The following SMARCA4 variants were observed in gnomAD, a reference collection of about 807,000 sequenced individuals.
SMARCA4 encodes SWI/SNF related BAF chromatin remodeling complex subunit ATPase 4, also known as SWI/SNF-related matrix-associated actin-dependent regulator of chromatin subfamily A member 4.
SMARCA4 carries 31 observed loss-of-function variants against 193.9 expected under a neutral mutation model. The observed-to-expected ratio is 0.16, with a 90% CI of 0.12 to 0.22. The LOEUF (loss-of-function observed/expected upper bound fraction) is 0.22, where lower values mean the gene tolerates loss of function less well. SMARCA4 is among the 10% of genes least tolerant of loss of function. The pLI is 1.00. For synonymous variants in SMARCA4, 942 were observed against 933.1 expected (o/e 1.01, Z -0.17); for missense variants, 1,148 against 2,296.0 (o/e 0.50, Z 10.22).
intron 11 of SMARCA4, 79 bp downstream of exon 11, chr19:10,996,623 T>C (rs2145985746): frequency 7.4e-7 from 1 of 1,345,202 alleles, no homozygotes; most frequent in Non-Finnish European, 1.1e-6. Flanking sequence ...AAACCTGTGT[T>C]CTTTTAAAAT....
Position 11,041,211 on chromosome 19 carries a change from C to T in SMARCA4, c.4171-96C>T, listed in dbSNP as rs2146807432. ...AAGGGAGAGCGGGTGCGGGGGCCCTCCTCCGTGTCCCAGCCCGGCCCCTGG... is the reference window on the plus strand; with the variant it reads ...AAGGGAGAGCGGGTGCGGGGGCCCTTCTCCGTGTCCCAGCCCGGCCCCTGG... On this transcript the variant is annotated intron_variant, in intron 29 of 34. Transcript: ENST00000344626. The surrounding 1 kb of genome is among the most constrained non-coding windows in gnomAD (Gnocchi z 5.6). 7.3e-7 allele frequency: 1 copy of T among 1,369,012 alleles called. No homozygotes were observed. Among genetic ancestry groups the T allele is most frequent in the Non-Finnish European group, 1.0e-6 (1 of 1,001,962 alleles). 84.8% of individuals were successfully genotyped at this position (1,369,012 alleles called of 1,614,324 possible).
At chr19:11,060,976 C>G (rs1003158986) in intron 34 of SMARCA4, among the ~76,000 whole-genome samples, 1 of 152,054 alleles carries the variant, frequency 6.6e-6, no homozygotes, top group Non-Finnish European at 1.5e-5. Flanking sequence ...GATGCTGTCT[C>G]TCTTGCCTAA....
intron 30 of SMARCA4, among the ~76,000 whole-genome samples, chr19:11,051,809 C>T (rs2076278364): frequency 6.6e-6 from 1 of 151,740 alleles, no homozygotes; most frequent in Admixed American, 6.6e-5. Context: ...ATTAAAATAG[C>T]AGATGAGGCC....
Position 11,033,394 on chromosome 19 carries a change from A to G in SMARCA4, c.3651A>G (p.Ala1217=), listed in dbSNP as rs761985067. The G allele has an allele frequency of 1.2e-6, 2 of 1,613,494 alleles. No individual in the cohort carries two copies. The highest frequency in any genetic ancestry group is 2.2e-5 in the South Asian group (2 of 91,086). ...GCGTGGAGGAGAAGATCCTAGCTGC[A>G]GCCAAGTACAAGCTCAACGTGGACC... ...VNSVEEKILA[A]AKYKLNVDQK... Residue 1217 remains alanine, a synonymous_variant, in exon 26 of 35, where the codon GCA becomes GCG. Transcript: ENST00000344626. This position sits in a 1 kb window ranked among gnomAD's most constrained non-coding sequence, Gnocchi z 9.8.
Position 11,060,105 on chromosome 19 carries a change from A to C in SMARCA4, c.4829A>C (p.Lys1610Thr), listed in dbSNP as rs1555796263. The C allele has an allele frequency of 5.2e-6, 8 of 1,551,728 alleles. No homozygotes were observed. In the East Asian group the frequency reaches 2.0e-4, roughly 38 times the overall value. ...GRKEKAQDRL[K>T]GGRRRPSRGS... ...AAGGAGAAGGCACAGGACCGGCTGAAGGGCGGCCGGCGGCGGCCGAGCCGA... is the reference window on the plus strand; with the variant it reads ...AAGGAGAAGGCACAGGACCGGCTGACGGGCGGCCGGCGGCGGCCGAGCCGA... The change falls in exon 34 of 35, where the codon AAG becomes ACG. Residue 1610 changes from lysine to threonine, a missense_variant. By Grantham distance (78) the Lys-to-Thr change is moderately conservative. This residue lies in a region of SMARCA4 where 105 missense variants were observed against 133.7 expected (regional missense o/e 0.79). Transcript: ENST00000344626.
chr19:10,969,492 G>A (rs1237119142), intron 1 of SMARCA4, among the ~76,000 whole-genome samples: 3 of 151,744 alleles, frequency 2.0e-5, no homozygotes, highest in Non-Finnish European at 4.4e-5. Flanking sequence ...GTGCAATGGC[G>A]GGGTCTCGGC....
intron 1 of SMARCA4, among the ~76,000 whole-genome samples, chr19:10,965,514 C>T (rs2084143534): frequency 6.6e-6 from 1 of 152,206 alleles, no homozygotes; most frequent in Non-Finnish European, 1.5e-5. Flanking sequence ...GTCAGCTCCT[C>T]CATTTTGTCC....
chr19:11,051,210 T>C (rs1037814296), intron 30 of SMARCA4, among the ~76,000 whole-genome samples: 2 of 152,208 alleles, frequency 1.3e-5, no homozygotes, highest in Non-Finnish European at 2.9e-5. Flanking sequence ...CCCTCAGTGA[T>C]AGAGACCTTT....
intron 30 of SMARCA4, among the ~76,000 whole-genome samples, chr19:11,049,161 T>G (rs2146950350): frequency 6.6e-6 from 1 of 152,120 alleles, no homozygotes; most frequent in African/African-American, 2.4e-5. Context: ...GGGACAAGTG[T>G]CCCAGGCAGA....
chr19:11,030,709 G>A lies in SMARCA4; in HGVS notation c.3383-21G>A, dbSNP rs2146596245. 6.2e-7 allele frequency: 1 copy of A among 1,607,992 alleles called. No individual in the cohort carries two copies. Among genetic ancestry groups the A allele is most frequent in the Non-Finnish European group, 8.5e-7 (1 of 1,177,608 alleles). On this transcript the variant is annotated intron_variant, in intron 24 of 34. Coordinates refer to ENST00000344626, the MANE Select transcript of SMARCA4 (RefSeq NM_003072.5). This position sits in a 1 kb window ranked among gnomAD's most constrained non-coding sequence, Gnocchi z 5.5. ...CCCCTGAGGTCACCCCGCTGACCCTGTTCTCCTCTGTGCCCGTCAGGAACC... is the reference window on the plus strand; with the variant it reads ...CCCCTGAGGTCACCCCGCTGACCCTATTCTCCTCTGTGCCCGTCAGGAACC...
chr19:10,961,933 GGC>G (rs2083839593), intron 1 of SMARCA4, among the ~76,000 whole-genome samples: 1 of 150,686 alleles, frequency 6.6e-6, no homozygotes, highest in African/African-American at 2.4e-5. Context: ...GGACCTTTTG[GGC>G]GAGTGTTTTG....
rs1308560024 is a variant in SMARCA4 at position 11,060,091 on chromosome 19, A to T, written c.4815A>T (p.Ala1605=). Residue 1605 remains alanine, a synonymous_variant, in exon 34 of 35, where the codon GCA becomes GCT. Transcript: ENST00000344626. ...VKIKLGRKEK[A]QDRLKGGRRR... ...TCAAGCTTGGCCGGAAGGAGAAGGC[A>T]CAGGACCGGCTGAAGGGCGGCCGGC... The T allele has an allele frequency of 6.4e-7, 1 of 1,553,074 alleles. No homozygotes were observed. The highest frequency in any genetic ancestry group is 1.4e-5 in the African/African-American group (1 of 73,096).
At chr19:11,023,729 C>A (rs2090039365) in intron 20 of SMARCA4, 98 bp downstream of exon 20, 16 of 768,782 alleles carry the variant, frequency 2.1e-5, no homozygotes, top group South Asian at 1.6e-4. Context: ...CAGTCCCAGG[C>A]CTGCCCTGGT....
At chr19:11,059,563 C>T (rs566258520) in intron 32 of SMARCA4, among the ~76,000 whole-genome samples, 190 bp from the exon 33 acceptor site, 52 of 152,368 alleles carry the variant, frequency 3.4e-4, no homozygotes, top group African/African-American at 1.1e-3. Flanking sequence ...GCTCGGGCCC[C>T]TATGGAGGAA....
chr19:11,003,488 G>T, intron 13 of SMARCA4, 91 bp downstream of exon 13: 1 of 1,267,584 alleles, frequency 7.9e-7, no homozygotes, highest in South Asian at 1.2e-5. Context: ...TGCCCTGGCT[G>T]GGCATCTTGT....
In SMARCA4 at chr19:10,986,720, G is replaced by A. The variant is rs1276978584; in HGVS notation, c.760+127G>A. Reference sequence around the variant, plus strand: ...GTTTGGGATTGCACGGGCCCATACTGCACTTCTGGGTGCTCGGGTGGTGGG... The same window carrying A: ...GTTTGGGATTGCACGGGCCCATACTACACTTCTGGGTGCTCGGGTGGTGGG... On this transcript the variant is annotated intron_variant, in intron 4 of 34. Transcript: ENST00000344626. The surrounding 1 kb of genome is among the most constrained non-coding windows in gnomAD (Gnocchi z 6.7). The A allele has an allele frequency of 1.4e-6, 2 of 1,396,614 alleles. No homozygotes were observed. The highest frequency in any genetic ancestry group is 1.4e-5 in the African/African-American group (1 of 70,114). The allele number at this position is 1,396,614 out of a possible 1,614,324, so 86.5% of individuals were successfully genotyped here.
In SMARCA4 at chr19:11,027,907, A is replaced by G; in HGVS notation, c.3339A>G (p.Glu1113=). 1 of 1,614,190 alleles carries G rather than the reference A, an allele frequency of 6.2e-7. No homozygotes were observed. Among genetic ancestry groups the G allele is most frequent in the Non-Finnish European group, 8.5e-7 (1 of 1,180,046 alleles). ...CQMTSLMTIM[E]DYFAYRGFKY... ...TGACCTCCCTCATGACCATCATGGA[A>G]GATTACTTTGCGTATCGCGGCTTTA... The change falls in exon 24 of 35, where the codon GAA becomes GAG. Residue 1113 remains glutamate, a synonymous_variant. Coordinates refer to ENST00000344626, the MANE Select transcript of SMARCA4 (RefSeq NM_003072.5).
At chr19:10,966,606 G>GAAGGATAACAGCTGCTGGAATA (rs1210969543) in intron 1 of SMARCA4, among the ~76,000 whole-genome samples, 7 of 151,870 alleles carry the variant, frequency 4.6e-5, no homozygotes, top group South Asian at 4.2e-4. Context: ...CGGGGGTTGG[G>GAAGGATAACAGCTGCTGGAATA]CTGGGCGCGG....
At chr19:11,009,527 A>C (rs960470723) in intron 14 of SMARCA4, among the ~76,000 whole-genome samples, 1 of 151,552 alleles carries the variant, frequency 6.6e-6, no homozygotes, top group African/African-American at 2.4e-5. Context: ...ACAGCATTCT[A>C]TTTGTTGTTT....
Sources: allele counts gnomAD v4.1 joint callset (sites outside exome capture counted in the v4.1 genomes callset), GRCh38; gene constraint gnomAD v4.1.1; regional missense constraint gnomAD v4.1.1; non-coding constraint Gnocchi (gnomAD v3.1); transcripts MANE v1.5; gene names NCBI Gene and HGNC (gene_info 2026-07-23, HGNC 2026-07-21).